The following PRIM2 variants were observed in gnomAD, a reference collection of about 807,000 sequenced individuals.
The protein encoded by PRIM2 is DNA primase large subunit.
In PRIM2, 39 loss-of-function variants were observed where a neutral mutation model predicts 67.3. The observed-to-expected ratio is 0.58, with a 90% CI of 0.45 to 0.76. The LOEUF is 0.76. Among genes scored for constraint, PRIM2 ranks in the 30% least tolerant of loss-of-function variants. The pLI, the probability that PRIM2 is intolerant of heterozygous loss-of-function variation, is 0.00. For synonymous variants in PRIM2, 143 were observed against 198.7 expected, an observed-to-expected ratio of 0.72 and a Z score of 2.36; for missense variants, 398 against 598.7, an observed-to-expected ratio of 0.66 and a Z score of 3.50.
At chr6:57,364,542 T>A (rs1769293531) in intron 5 of PRIM2, among the ~76,000 whole-genome samples, 1 of 152,214 alleles carries the variant, frequency 6.6e-6, no homozygotes, top group South Asian at 2.1e-4. Flanking sequence ...CTTTTCCTGC[T>A]TTGCTCAGTG....
chr6:57,553,841 T>A (rs1210940986), intron 10 of PRIM2, among the ~76,000 whole-genome samples: 1 of 152,214 alleles, frequency 6.6e-6, no homozygotes, highest in African/African-American at 2.4e-5. Flanking sequence ...TGGCCACATG[T>A]GAGTTCAAGT....
intron 8 of PRIM2, among the ~76,000 whole-genome samples, chr6:57,520,738 A>G (rs1774595207): frequency 6.6e-6 from 1 of 152,238 alleles, no homozygotes; most frequent in Non-Finnish European, 1.5e-5. Context: ...ATTTTTATAG[A>G]AAAATGAGAT....
chr6:57,484,328 A>G (rs1773695946), intron 7 of PRIM2, among the ~76,000 whole-genome samples: 1 of 152,230 alleles, frequency 6.6e-6, no homozygotes, highest in Non-Finnish European at 1.5e-5. Context: ...TAACAGAGAT[A>G]GGGATTGTTG....
chr6:57,536,445 T>C (rs1172936542), intron 9 of PRIM2, among the ~76,000 whole-genome samples: 1 of 152,250 alleles, frequency 6.6e-6, no homozygotes. Context: ...TGTATTCTGC[T>C]TTGTATTTGA....
chr6:57,388,435 GAGAA>G (rs1029058165), intron 7 of PRIM2, among the ~76,000 whole-genome samples: 1 of 152,176 alleles, frequency 6.6e-6, no homozygotes, highest in Non-Finnish European at 1.5e-5. Context: ...TTGGTTGTGA[GAGAA>G]AGAGAAGAAT....
intron 8 of PRIM2, among the ~76,000 whole-genome samples, chr6:57,516,154 G>A (rs1554348234): frequency 3.3e-5 from 5 of 151,688 alleles, no homozygotes; most frequent in Non-Finnish European, 7.4e-5. Context: ...GCTTTTAAAG[G>A]CCCGTGCGAT....
intron 7 of PRIM2, among the ~76,000 whole-genome samples, chr6:57,479,926 C>G (rs1773573733): frequency 1.3e-5 from 2 of 152,156 alleles, no homozygotes; most frequent in South Asian, 4.1e-4. Flanking sequence ...ATTTACATTA[C>G]AGAGTAAGTA....
At chr6:57,416,257 T>A (rs1459300483) in intron 7 of PRIM2, among the ~76,000 whole-genome samples, 1 of 152,212 alleles carries the variant, frequency 6.6e-6, no homozygotes, top group Non-Finnish European at 1.5e-5. Flanking sequence ...CTATCAGAGC[T>A]CTTCAGTGAC....
intron 9 of PRIM2, among the ~76,000 whole-genome samples, chr6:57,534,775 A>G (rs1463702174): frequency 1.3e-5 from 2 of 152,152 alleles, no homozygotes; most frequent in Non-Finnish European, 2.9e-5. Context: ...CTCTGGTCAC[A>G]TGGATCTTAT....
the PRIM2 span, among the ~76,000 whole-genome samples, chr6:57,262,711 A>G: frequency 4.6e-5 from 7 of 151,552 alleles, no homozygotes; most frequent in Admixed American, 4.0e-4. Context: ...CTCAGCCCCA[A>G]ATAGCTGGGC....
At chr6:57,373,318 T>C (rs1769631538) in intron 5 of PRIM2, among the ~76,000 whole-genome samples, 1 of 152,062 alleles carries the variant, frequency 6.6e-6, no homozygotes, top group Non-Finnish European at 1.5e-5. Flanking sequence ...TTTTTTTTCT[T>C]GTAAATTTGA....
intron 7 of PRIM2, among the ~76,000 whole-genome samples, chr6:57,406,179 G>T (rs1319274625): frequency 6.6e-6 from 1 of 152,134 alleles, no homozygotes; most frequent in Non-Finnish European, 1.5e-5. Context: ...AGGGAGTGGG[G>T]AGTAAGACCA....
chr6:57,293,791 A>G, the PRIM2 span, among the ~76,000 whole-genome samples: 1 of 150,826 alleles, frequency 6.6e-6, no homozygotes, highest in Non-Finnish European at 1.5e-5. Flanking sequence ...GACAATGAGA[A>G]CAAATGGACA....
the PRIM2 span, among the ~76,000 whole-genome samples, chr6:57,269,349 C>G: frequency 6.6e-6 from 1 of 151,994 alleles, no homozygotes; most frequent in Non-Finnish European, 1.5e-5. Context: ...GATGGTATCT[C>G]ATTGTGGTTT....
chr6:57,580,893 TG>T (rs1365613983), intron 10 of PRIM2, among the ~76,000 whole-genome samples: 1 of 151,996 alleles, frequency 6.6e-6, no homozygotes, highest in Non-Finnish European at 1.5e-5. Flanking sequence ...AGGCAATACT[TG>T]AAAATATTCA....
chr6:57,603,261 G>C (rs1331991973), intron 11 of PRIM2, among the ~76,000 whole-genome samples: 1 of 152,070 alleles, frequency 6.6e-6, no homozygotes, highest in Non-Finnish European at 1.5e-5. Context: ...AGAAGTTTCT[G>C]TTTGTCATAT....
intron 10 of PRIM2, among the ~76,000 whole-genome samples, chr6:57,572,101 C>G (rs1435661912): frequency 2.6e-5 from 4 of 152,328 alleles, no homozygotes; most frequent in Admixed American, 2.6e-4. Context: ...ACTTATGCCT[C>G]TTATTTCCTG....
At chr6:57,495,936 G>A (rs1452974312) in intron 7 of PRIM2, among the ~76,000 whole-genome samples, 197 of 152,094 alleles carry the variant, frequency 1.3e-3, no homozygotes, top group Non-Finnish European at 1.9e-3. Context: ...TAGTGGAGAT[G>A]AAGTCTTGCT....
At chr6:57,338,538 G>A (rs980048702) in intron 5 of PRIM2, among the ~76,000 whole-genome samples, 1 of 150,626 alleles carries the variant, frequency 6.6e-6, no homozygotes, top group Non-Finnish European at 1.5e-5. Flanking sequence ...TCCCTGGGAT[G>A]CAAGGCTCGT....
Sources: gnomAD v4.1 joint callset for allele counts (sites outside exome capture counted in the v4.1 genomes callset) on GRCh38, gnomAD v4.1.1 for gene constraint, MANE v1.5 for transcripts, NCBI Gene and HGNC (gene_info 2026-07-23, HGNC 2026-07-21) for gene names.